The following PCDHA1 variants were observed in gnomAD, a reference collection of about 807,000 sequenced individuals.
The protein encoded by PCDHA1 is protocadherin alpha-1.
In PCDHA1, 42 loss-of-function variants were observed where a neutral mutation model predicts 61.3. That is an observed-to-expected ratio of 0.69 (90% CI 0.54 to 0.89). The LOEUF (loss-of-function observed/expected upper bound fraction) is 0.89, where lower values mean the gene tolerates loss of function less well. Among genes scored for constraint, PCDHA1 ranks in the 40% least tolerant of loss-of-function variants. The probability of loss-of-function intolerance (pLI) is 0.00; values close to 1 mark genes in which losing one functional copy is unlikely to be tolerated. For synonymous variants in PCDHA1, 610 were observed against 553.8 expected, an observed-to-expected ratio of 1.10 and a Z score of -1.43; for missense variants, 1,256 against 1,235.3, an observed-to-expected ratio of 1.02 and a Z score of -0.25.
At chr5:140,854,159 C>CAAAAAA (rs59855104) in intron 1 of PCDHA1, 412 of 341,018 alleles carry the variant, frequency 1.2e-3, no homozygotes, top group Non-Finnish European at 1.4e-3. Flanking sequence ...GATTCTGTCT[C>CAAAAAA]AAAAAAAAAA....
intron 1 of PCDHA1, chr5:140,856,768 C>T: frequency 6.3e-7 from 1 of 1,596,818 alleles, no homozygotes; most frequent in African/African-American, 1.3e-5. Context: ...ACGCCCCTAT[C>T]TTTGACAGAC....
At chr5:140,917,326 G>GA (rs1425389614) in intron 1 of PCDHA1, among the ~76,000 whole-genome samples, 3 of 149,490 alleles carry the variant, frequency 2.0e-5, no homozygotes, top group Non-Finnish European at 4.5e-5. Flanking sequence ...TCATGTGGCG[G>GA]GGGAGGGGGG....
At chr5:140,970,948 C>T (rs1339410112) in intron 1 of PCDHA1, among the ~76,000 whole-genome samples, 1 of 152,114 alleles carries the variant, frequency 6.6e-6, no homozygotes, top group Non-Finnish European at 1.5e-5. Context: ...TGCTGAGAAA[C>T]CATGGGAGGC....
At chr5:140,879,960 C>T (rs781917048) in intron 1 of PCDHA1, among the ~76,000 whole-genome samples, 3 of 152,168 alleles carry the variant, frequency 2.0e-5, no homozygotes, top group Non-Finnish European at 4.4e-5. Flanking sequence ...TCTGGATAAT[C>T]CAGGATAAAC....
intron 1 of PCDHA1, among the ~76,000 whole-genome samples, chr5:140,838,465 G>A (rs2150289801): frequency 3.4e-4 from 52 of 151,444 alleles, no homozygotes; most frequent in Admixed American, 3.3e-3. Flanking sequence ...TTTCATTAGC[G>A]CTTATTCCTT....
intron 1 of PCDHA1, among the ~76,000 whole-genome samples, chr5:140,790,898 G>A (rs1241978754): frequency 5.3e-5 from 8 of 152,284 alleles, no homozygotes; most frequent in Non-Finnish European, 8.8e-5. Flanking sequence ...TTTATGAAAA[G>A]GTAATTCTAG....
chr5:140,835,837 A>C, intron 1 of PCDHA1: 1 of 1,612,374 alleles, frequency 6.2e-7, no homozygotes, highest in Non-Finnish European at 8.5e-7. Context: ...GCGGACGCGC[A>C]GAAGAACGCG....
At chr5:140,883,544 A>T in intron 1 of PCDHA1, 1 of 1,614,168 alleles carries the variant, frequency 6.2e-7, no homozygotes, top group South Asian at 1.1e-5. Flanking sequence ...ACTGGTGGTG[A>T]CCGCGCGGGA....
chr5:140,802,539 G>A (rs782192647), intron 1 of PCDHA1: 1 of 1,614,188 alleles, frequency 6.2e-7, no homozygotes, highest in Non-Finnish European at 8.5e-7. Context: ...GGTGGCCGAC[G>A]TGAACGACAA....
At chr5:140,952,654 G>T (rs541888180) in intron 1 of PCDHA1, among the ~76,000 whole-genome samples, 4 of 152,270 alleles carry the variant, frequency 2.6e-5, no homozygotes, top group African/African-American at 9.6e-5. Context: ...TGGTTACCCA[G>T]TTCCAAAGTC....
At chr5:140,966,973 G>A (rs782189736) in intron 1 of PCDHA1, 9 of 1,602,936 alleles carry the variant, frequency 5.6e-6, no homozygotes, top group African/African-American at 4.0e-5. Flanking sequence ...GGCTTGAGCT[G>A]CGGCGCTTGG....
At chr5:140,979,922 A>T (rs1317860679) in intron 2 of PCDHA1, among the ~76,000 whole-genome samples, 1 of 152,276 alleles carries the variant, frequency 6.6e-6, no homozygotes, top group Non-Finnish European at 1.5e-5. Flanking sequence ...GAGAAAGCCT[A>T]CAAAGTATGT....
At position 140,804,926 on chromosome 5, in the gene PCDHA1, A is replaced by G. The variant is rs1763480096; in HGVS notation, c.2394+16242A>G. 5.8e-6 allele frequency: 6 copies of G among 1,032,312 alleles called. No homozygotes were observed. In the East Asian group the frequency reaches 1.8e-4, roughly 30 times the overall value. 63.9% of individuals were successfully genotyped at this position (1,032,312 alleles called of 1,614,324 possible). A position where few individuals can be genotyped will look rare whatever the true frequency, so the allele number is the denominator to read the frequency against. On this transcript the variant is annotated intron_variant, in intron 1 of 3. Transcript: ENST00000504120. Reference sequence around the variant, plus strand: ...CATTTTCTTTATTTCCTTTTTTGGCACTATCCTTTGTTGCTCCCTTGTCCA... The same window carrying G: ...CATTTTCTTTATTTCCTTTTTTGGCGCTATCCTTTGTTGCTCCCTTGTCCA...
intron 1 of PCDHA1, chr5:140,875,909 C>A (rs1554168058): frequency 1.2e-6 from 2 of 1,614,048 alleles, no homozygotes; most frequent in African/African-American, 2.7e-5. Flanking sequence ...TCTGAATCTG[C>A]GCCTCTGGAC....
intron 1 of PCDHA1, among the ~76,000 whole-genome samples, chr5:140,839,743 T>C (rs2150300619): frequency 0.58 from 88,357 of 151,822 alleles, 26,802 homozygotes; most frequent in African/African-American, 0.73. Flanking sequence ...TACCCTTATT[T>C]GCCTTTCCTA....
In PCDHA1 at chr5:140,841,681, C is replaced by T. The variant is rs2150320703; in HGVS notation, c.2394+52997C>T. 2.5e-6 allele frequency: 4 copies of T among 1,613,906 alleles called. No individual in the cohort carries two copies. In the South Asian group the frequency reaches 4.4e-5, roughly 18 times the overall value. ...GGCCGCTGCAGGTTTTCCATGTGGA[C>T]GTGGAGGTGAAGGATGTTAATGACA... On this transcript the variant is annotated intron_variant, in intron 1 of 3. Transcript: ENST00000504120.
intron 1 of PCDHA1, chr5:140,929,479 A>G (rs2086187931): frequency 4.2e-6 from 5 of 1,193,216 alleles, no homozygotes; most frequent in Admixed American, 3.2e-5. Context: ...CTGGAAGTAT[A>G]GAAGTATTAG....
Position 140,877,355 on chromosome 5 carries a change from C to T in PCDHA1, c.2394+88671C>T. On this transcript the variant is annotated intron_variant, in intron 1 of 3. Coordinates refer to ENST00000504120, the MANE Select transcript of PCDHA1 (RefSeq NM_018900.4). ...ATCCCGTTCCACGTGGGGCTGTACA[C>T]TGGCGAGATCAGCACGACACGCATC... 1.2e-6 allele frequency: 2 copies of T among 1,614,012 alleles called. No homozygotes were observed. Among genetic ancestry groups the T allele is most frequent in the Non-Finnish European group, 8.5e-7 (1 of 1,179,888 alleles).
At chr5:140,920,388 T>C (rs1237249131) in intron 1 of PCDHA1, among the ~76,000 whole-genome samples, 1 of 152,214 alleles carries the variant, frequency 6.6e-6, no homozygotes, top group Non-Finnish European at 1.5e-5. Context: ...CATATTACCA[T>C]CTGGTGTCTT....
Sources: gnomAD v4.1 joint callset for allele counts (sites outside exome capture counted in the v4.1 genomes callset) on GRCh38, gnomAD v4.1.1 for gene constraint, MANE v1.5 for transcripts, NCBI Gene and HGNC (gene_info 2026-07-23, HGNC 2026-07-21) for gene names.